The following SLCO4C1 variants were observed in gnomAD, a reference collection of about 807,000 sequenced individuals.
SLCO4C1 encodes organic anion transporter M1.
Under a neutral mutation model 72.1 loss-of-function variants are expected in SLCO4C1, and 58 were observed. The ratio of observed to expected loss-of-function variants is 0.80; its 90% CI spans 0.65 to 1.00. The LOEUF (loss-of-function observed/expected upper bound fraction) is 1.00. SLCO4C1 is among the 50% of genes least tolerant of loss of function. The probability of loss-of-function intolerance (pLI) is 0.00; values close to 1 mark genes in which losing one functional copy is unlikely to be tolerated. For missense variants in SLCO4C1, 898 were observed against 857.9 expected (o/e 1.05, Z -0.58); for synonymous variants, 297 against 312.5 (o/e 0.95, Z 0.52).
intron 1 of SLCO4C1, among the ~76,000 whole-genome samples, chr5:102,295,094 C>T (rs1426466465): frequency 6.6e-6 from 1 of 152,178 alleles, no homozygotes; most frequent in African/African-American, 2.4e-5. Flanking sequence ...TTCCTTCAAC[C>T]TCTGTATTGA....
At chr5:102,261,337 G>T (rs1411199371) in intron 5 of SLCO4C1, among the ~76,000 whole-genome samples, 1 of 152,016 alleles carries the variant, frequency 6.6e-6, no homozygotes, top group African/African-American at 2.4e-5. Context: ...GCTTGAACTC[G>T]GGAGGCAGAG....
At chr5:102,270,994 T>C (rs933012644) in intron 2 of SLCO4C1, among the ~76,000 whole-genome samples, 188 bp from the exon 3 acceptor site, 1 of 152,118 alleles carries the variant, frequency 6.6e-6, no homozygotes, top group African/African-American at 2.4e-5. Context: ...TGCCCTCACT[T>C]TATGAAGGCC....
At chr5:102,249,855 C>T in intron 8 of SLCO4C1, 67 bp from the exon 9 acceptor site, 1 of 1,481,756 alleles carries the variant, frequency 6.7e-7, no homozygotes, top group Non-Finnish European at 9.2e-7. Context: ...TTTCGAAGCA[C>T]TGTTATATCT....
At chr5:102,266,961 C>T (rs1250021882) in intron 3 of SLCO4C1, among the ~76,000 whole-genome samples, 1 of 152,124 alleles carries the variant, frequency 6.6e-6, no homozygotes, top group Admixed American at 6.6e-5. Context: ...CTAATTCTTG[C>T]ATCACTGAGA....
At position 102,239,378 on chromosome 5, in the gene SLCO4C1, A is replaced by G. The variant is rs1472429886; in HGVS notation, c.1887T>C (p.Pro629=). 6.3e-7 allele frequency: 1 copy of G among 1,581,300 alleles called. No individual in the cohort carries two copies. Among genetic ancestry groups the G allele is most frequent in the Admixed American group, 1.8e-5 (1 of 54,694 alleles). The part of the protein sequence containing the change: ...FMVLRLLGTI[P]GPIIFGFTID... ...TTGTGAAACCAAATATAATTGGTCC[A>G]GGAATTGTCCCTAAAAGAATTATGG... Residue 629 remains proline, a synonymous_variant, in exon 12 of 13, where the codon CCT becomes CCC. Coordinates refer to ENST00000310954, the MANE Select transcript of SLCO4C1 (RefSeq NM_180991.5).
At chr5:102,286,466 AT>A (rs908855769) in intron 2 of SLCO4C1, among the ~76,000 whole-genome samples, 2 of 152,266 alleles carry the variant, frequency 1.3e-5, no homozygotes, top group Admixed American at 1.3e-4. Context: ...AGATTTACTT[AT>A]CGCATTTTAA....
chr5:102,281,486 G>T (rs921295291), intron 2 of SLCO4C1, among the ~76,000 whole-genome samples: 1 of 152,034 alleles, frequency 6.6e-6, no homozygotes. Flanking sequence ...GAAAGACCCT[G>T]TTAAGAGGAT....
At chr5:102,242,874 C>T (rs1010712487) in intron 10 of SLCO4C1, among the ~76,000 whole-genome samples, 7 of 152,018 alleles carry the variant, frequency 4.6e-5, no homozygotes, top group South Asian at 4.1e-4. Flanking sequence ...ATCACTGCCC[C>T]GGGGGGTAGA....
intron 9 of SLCO4C1, among the ~76,000 whole-genome samples, chr5:102,248,156 G>T (rs150735510): frequency 2.4e-4 from 37 of 152,160 alleles, no homozygotes; most frequent in African/African-American, 7.9e-4. Flanking sequence ...ATAGCAGTTA[G>T]TCAAGGTCAG....
rs145823018 is a variant in SLCO4C1 at position 102,274,972 on chromosome 5, C to T, written c.620-4166G>A. Among the ~76,000 whole-genome samples, 673 of 151,978 alleles carry T rather than the reference C, an allele frequency of 4.4e-3. 4 individuals are homozygous for T. Among genetic ancestry groups the T allele is most frequent in the African/African-American group, 0.015 (640 of 41,442 alleles). Reference sequence around the variant, plus strand: ...TCTGGTACCACATCTCTGGTTACCACGGCATTTACAGAAAGATGTCATAAG... The same window carrying T: ...TCTGGTACCACATCTCTGGTTACCATGGCATTTACAGAAAGATGTCATAAG... On this transcript the variant is annotated intron_variant, in intron 2 of 12. Coordinates refer to ENST00000310954, the MANE Select transcript of SLCO4C1 (RefSeq NM_180991.5).
intron 2 of SLCO4C1, among the ~76,000 whole-genome samples, chr5:102,287,170 C>T (rs939467898): frequency 1.3e-5 from 2 of 152,072 alleles, no homozygotes; most frequent in Non-Finnish European, 2.9e-5. Context: ...TTACAGGAAG[C>T]TTTCAACTAA....
At position 102,236,705 on chromosome 5, in the gene SLCO4C1, A is replaced by G. The variant is rs547753015; in HGVS notation, c.*153T>C. On this transcript the variant is annotated 3_prime_UTR_variant, in exon 13 of 13. Coordinates refer to ENST00000310954, the MANE Select transcript of SLCO4C1 (RefSeq NM_180991.5). The stretch of plus-strand genomic sequence containing the variant: ...GGTCTGTTTCTTGCATAAAACAAAA[A>G]CTACATAAGTAAAAAAATACATTTG... 5 of 886,970 alleles carry G rather than the reference A, an allele frequency of 5.6e-6. No homozygotes were observed. Among genetic ancestry groups the G allele is most frequent in the Non-Finnish European group, 8.3e-6 (5 of 601,080 alleles). The allele number at this position is 886,970 out of a possible 1,614,324, so 54.9% of individuals were successfully genotyped here.
rs1217938787 is a variant in SLCO4C1 at position 102,237,036 on chromosome 5, T to C, written c.2015-18A>G. Reference sequence around the variant, plus strand: ...AGTAACACCTAAGTGAAAAAAAAAATTAATCATGTGCTTTTGTTTTTAATT... The same window carrying C: ...AGTAACACCTAAGTGAAAAAAAAAACTAATCATGTGCTTTTGTTTTTAATT... On this transcript the variant is annotated intron_variant, in intron 12 of 12. Coordinates refer to ENST00000310954, the MANE Select transcript of SLCO4C1 (RefSeq NM_180991.5). 6.5e-7 allele frequency: 1 copy of C among 1,547,510 alleles called. No homozygotes were observed. Among genetic ancestry groups the C allele is most frequent in the Non-Finnish European group, 8.7e-7 (1 of 1,155,014 alleles).
chr5:102,257,599 C>A (rs1171074330), intron 7 of SLCO4C1, among the ~76,000 whole-genome samples: 1 of 146,188 alleles, frequency 6.8e-6, no homozygotes, highest in African/African-American at 2.5e-5. Context: ...AAATTTTTAC[C>A]AAAATTAAGT....
chr5:102,275,988 A>C (rs1194291652), intron 2 of SLCO4C1, among the ~76,000 whole-genome samples: 1 of 152,198 alleles, frequency 6.6e-6, no homozygotes, highest in Admixed American at 6.5e-5. Flanking sequence ...CTAGAAGGTT[A>C]CAGTGGCACA....
rs755268800 is a variant in SLCO4C1 at position 102,291,327 on chromosome 5, CACAATAG to C, written c.619+9_619+15del. 3.7e-6 allele frequency: 6 copies of C among 1,604,390 alleles called. No homozygotes were observed. The highest frequency in any genetic ancestry group is 3.4e-6 in the Non-Finnish European group (4 of 1,176,898). ...TTCTTCAGATTAAAACAAACATAAA[CACAATAG>C]AAACTTACCTTCAAAAAGAGACCCC... On this transcript the variant is annotated intron_variant, in intron 2 of 12. Transcript: ENST00000310954.
chr5:102,239,902 C>T (rs6887058), intron 11 of SLCO4C1, among the ~76,000 whole-genome samples: 11,673 of 151,604 alleles, frequency 0.077, 749 homozygotes, highest in African/African-American at 0.18. Flanking sequence ...TCTTATATAC[C>T]CGCCACCATT....
At chr5:102,249,605 C>T (rs753688276) in intron 9 of SLCO4C1, 33 bp downstream of exon 9, 32 of 1,611,430 alleles carry the variant, frequency 2.0e-5, no homozygotes, top group Non-Finnish European at 2.7e-5. Flanking sequence ...AACATATTGC[C>T]TCATTAAGGG....
At chr5:102,238,627 C>G (rs1748481841) in intron 12 of SLCO4C1, among the ~76,000 whole-genome samples, 1 of 152,082 alleles carries the variant, frequency 6.6e-6, no homozygotes, top group South Asian at 2.1e-4. Flanking sequence ...TTTCTCTAAG[C>G]TATTTTAGTT....
Sources: gnomAD v4.1 joint callset for allele counts (sites outside exome capture counted in the v4.1 genomes callset) on GRCh38, gnomAD v4.1.1 for gene constraint, MANE v1.5 for transcripts, NCBI Gene and HGNC (gene_info 2026-07-23, HGNC 2026-07-21) for gene names.